TRAM1L1: variants seen among roughly 807,000 people sequenced by gnomAD.
The protein encoded by TRAM1L1 is translocating chain-associated membrane protein 1-like 1.
For missense variants in TRAM1L1, 451 were observed against 439.9 expected (o/e 1.03, Z -0.23); for synonymous variants, 189 against 163.6 (o/e 1.16, Z -1.18).
rs1732436750 is a variant in TRAM1L1, at chr4:117,085,382, A to C, written c.12T>G (p.Arg4=). MGL[R]KKSTKNPPVL... ...CGGGGGGGTTCTTGGTGCTCTTCTT[A>C]CGGAGCCCCATGGTGGCGCTTCCCG... Residue 4 remains arginine, a synonymous_variant, in exon 1 of 1, where the codon CGT becomes CGG. Coordinates refer to ENST00000310754, the MANE Select transcript of TRAM1L1 (RefSeq NM_152402.3). 8 of 1,608,792 alleles carry C rather than the reference A, an allele frequency of 5.0e-6. No individual in the cohort carries two copies. The highest frequency in any genetic ancestry group is 4.0e-5 in the African/African-American group (3 of 74,808).
Position 117,085,262 on chromosome 4 carries a change from T to C in TRAM1L1, c.132A>G (p.Ala44=). The change falls in exon 1 of 1, where the codon GCA becomes GCG. Residue 44 remains alanine (A), a synonymous_variant. Transcript: ENST00000310754. ...FLLGLVFEGT[A]EASIVFLTLQ... is the part of the protein sequence containing the mutation. ...GAGTGAGAAACACGATGGATGCTTCTGCTGTTCCCTCGAACACAAGCCCCA... is the reference window on the plus strand; with the variant it reads ...GAGTGAGAAACACGATGGATGCTTCCGCTGTTCCCTCGAACACAAGCCCCA... The C allele has an allele frequency of 6.2e-7, 1 of 1,614,142 alleles. No homozygotes were observed. Among genetic ancestry groups the C allele is most frequent in the Non-Finnish European group, 8.5e-7 (1 of 1,180,042 alleles).
rs1002324448 is a variant in TRAM1L1 at position 117,085,005 on chromosome 4, A to C, written c.389T>G (p.Phe130Cys). Residue 130 changes from phenylalanine (F) to cysteine (C), a missense_variant, in exon 1 of 1, where the codon TTT (phenylalanine) becomes TGT (cysteine). By Grantham distance (205) the Phe-to-Cys change is radical. Transcript: ENST00000310754. Reference protein sequence around the residue: ...NESGQFSVFYFFSCIWGTFIL... With the variant: ...NESGQFSVFYCFSCIWGTFIL... ...GAATGTGCCCCAAATACAAGAAAAA[A>C]AGTAGAACACACTAAACTGACCAGA... is the stretch of plus-strand genomic sequence containing the variant. 3 of 1,613,948 alleles carry C rather than the reference A, an allele frequency of 1.9e-6. No individual in the cohort carries two copies. The highest frequency in any genetic ancestry group is 2.7e-5 in the African/African-American group (2 of 74,890).
chr4:117,084,493 G>A lies in TRAM1L1; in HGVS notation c.901C>T (p.Leu301=). 1 of 1,614,134 alleles carries A rather than the reference G, an allele frequency of 6.2e-7. No homozygotes were observed. Among genetic ancestry groups the A allele is most frequent in the Non-Finnish European group, 8.5e-7 (1 of 1,180,020 alleles). ...GCTTGGATCGTGCAACTGGACGACA[G>A]AACAGCAATTTTAGCTGCCAACACA... ...VNVLAAKIAV[L]SSSCTIQAYV... is the part of the protein sequence containing the mutation. Residue 301 remains leucine, a synonymous_variant, in exon 1 of 1, where the codon CTG becomes TTG. Coordinates refer to ENST00000310754, the MANE Select transcript of TRAM1L1 (RefSeq NM_152402.3).
chr4:117,085,397 G>T lies in TRAM1L1; in HGVS notation c.-4C>A. 1 of 1,601,842 alleles carries T rather than the reference G, an allele frequency of 6.2e-7. No individual in the cohort carries two copies. The highest frequency in any genetic ancestry group is 8.5e-7 in the Non-Finnish European group (1 of 1,171,684). ...TGCTCTTCTTACGGAGCCCCATGGTGGCGCTTCCCGGATACTCACCGGCGA... is the reference window on the plus strand; with the variant it reads ...TGCTCTTCTTACGGAGCCCCATGGTTGCGCTTCCCGGATACTCACCGGCGA... On this transcript the variant is annotated 5_prime_UTR_variant, in exon 1 of 1. Transcript: ENST00000310754.
rs1732440025 is a variant in TRAM1L1, at chr4:117,085,459, C to T, written c.-66G>A. ...CTCCCCCTGGCTGCTCCTCACAGCG[C>T]CGCCGCCACGGTAGCAGCTCCGGGG... On this transcript the variant is annotated 5_prime_UTR_variant, in exon 1 of 1. Transcript: ENST00000310754. 6.5e-7 allele frequency: 1 copy of T among 1,546,502 alleles called. No homozygotes were observed.
Position 117,085,488 on chromosome 4 carries a change from C to T in TRAM1L1, c.-95G>A, listed in dbSNP as rs1732441314. ...CGCCACGGTAGCAGCTCCGGGGGCT[C>T]CACTTCCCATCCCGAAGTCAGTCCC... On this transcript the variant is annotated 5_prime_UTR_variant, in exon 1 of 1. Transcript: ENST00000310754. 1.3e-5 allele frequency: 20 copies of T among 1,492,056 alleles called. 1 individual carries two copies. The highest frequency in any genetic ancestry group is 4.5e-5 in the Admixed American group (2 of 44,930). 92.4% of individuals were successfully genotyped at this position (1,492,056 alleles called of 1,614,324 possible).
Position 117,085,174 on chromosome 4 carries a change from AAT to A in TRAM1L1, c.218_219del (p.Tyr73LeufsTer31). ...EEQATGSKSL[Y>X]YYGVKDLATV... ...GTGGCCAAATCTTTGACACCATAAT[AAT>A]AGAGGGACTTTGAGCCCGTGGCTTG... On this transcript the variant is annotated frameshift_variant, in exon 1 of 1. Transcript: ENST00000310754. LOFTEE classifies it low-confidence loss of function (END_TRUNC). 2 of 1,614,070 alleles carry A rather than the reference AAT, an allele frequency of 1.2e-6. No individual in the cohort carries two copies. Among genetic ancestry groups the A allele is most frequent in the Non-Finnish European group, 1.7e-6 (2 of 1,180,006 alleles).
rs1479718337 is a variant in TRAM1L1, at chr4:117,083,795, G to C, written c.*489C>G. 2 of 152,862 alleles carry C rather than the reference G, an allele frequency of 1.3e-5. No homozygotes were observed. The highest frequency in any genetic ancestry group is 2.4e-5 in the African/African-American group (1 of 41,388). 9.5% of individuals were successfully genotyped at this position (152,862 alleles called of 1,614,324 possible). On this transcript the variant is annotated 3_prime_UTR_variant, in exon 1 of 1. Coordinates refer to ENST00000310754, the MANE Select transcript of TRAM1L1 (RefSeq NM_152402.3). ...TGAGTCTAGCAATCTTTTCTGAGTT[G>C]TAAGTTCTTAAAAAATAAATTCTAA...
At position 117,083,869 on chromosome 4, in the gene TRAM1L1, T is replaced by C. The variant is rs1732394600; in HGVS notation, c.*415A>G. On this transcript the variant is annotated 3_prime_UTR_variant, in exon 1 of 1. Coordinates refer to ENST00000310754, the MANE Select transcript of TRAM1L1 (RefSeq NM_152402.3). ...TTCCACCTTTTTCGTACTTTTATTT[T>C]ACCCCAAAGCAAGCATTAAACACAT... 6.4e-6 allele frequency: 1 copy of C among 156,582 alleles called. No homozygotes were observed. Among genetic ancestry groups the C allele is most frequent in the Non-Finnish European group, 1.4e-5 (1 of 70,992 alleles). 9.7% of individuals were successfully genotyped at this position (156,582 alleles called of 1,614,324 possible).
At position 117,084,805 on chromosome 4, in the gene TRAM1L1, G is replaced by A; in HGVS notation, c.589C>T (p.Leu197Phe). 1 of 1,614,204 alleles carries A rather than the reference G, an allele frequency of 6.2e-7. No individual in the cohort carries two copies. The highest frequency in any genetic ancestry group is 8.5e-7 in the Non-Finnish European group (1 of 1,180,036). ...KTKKQDIPRQ[L>F]VYIGLHLFHI... ...AAGAGGTGAAGACCAATGTAGACAA[G>A]TTGACGAGGGATGTCTTGTTTTTTG... Residue 197 changes from leucine to phenylalanine, a missense_variant, in exon 1 of 1, where the codon CTT (leucine) becomes TTT (phenylalanine). Leu to Phe is a conservative substitution (Grantham distance 22). Transcript: ENST00000310754.
rs200475142 is a variant in TRAM1L1 at position 117,084,868 on chromosome 4, A to G, written c.526T>C (p.Trp176Arg). 6.2e-7 allele frequency: 1 copy of G among 1,614,198 alleles called. No individual in the cohort carries two copies. The highest frequency in any genetic ancestry group is 2.2e-5 in the East Asian group (1 of 44,868). ...KFFYISQLAY[W>R]FHAFPELYFQ... ...TAGAGTTCAGGAAAAGCATGAAACC[A>G]GTAAGCCAACTGGGATATGTAGAAA... The change falls in exon 1 of 1, where the codon TGG becomes CGG. Residue 176 changes from tryptophan to arginine, a missense_variant. Physicochemically the swap from Trp to Arg is moderately radical, Grantham distance 101. Coordinates refer to ENST00000310754, the MANE Select transcript of TRAM1L1 (RefSeq NM_152402.3).
rs976913582 is a variant in TRAM1L1 at position 117,085,547 on chromosome 4, C to A, written c.-154G>T. On this transcript the variant is annotated 5_prime_UTR_variant, in exon 1 of 1. Coordinates refer to ENST00000310754, the MANE Select transcript of TRAM1L1 (RefSeq NM_152402.3). ...GCGGCCGCCCAGAAAAAAAATAAATCAAAGGCGAGGGCCGAGCTGAGCTGA... is the reference window on the plus strand; with the variant it reads ...GCGGCCGCCCAGAAAAAAAATAAATAAAAGGCGAGGGCCGAGCTGAGCTGA... 3.4e-5 allele frequency: 37 copies of A among 1,073,768 alleles called. No homozygotes were observed. The highest frequency in any genetic ancestry group is 4.5e-5 in the Non-Finnish European group (34 of 757,348). 66.5% of individuals were successfully genotyped at this position (1,073,768 alleles called of 1,614,324 possible). A position where few individuals can be genotyped will look rare whatever the true frequency, so the allele number is the denominator to read the frequency against.
Position 117,085,010 on chromosome 4 carries a change from G to C in TRAM1L1, c.384C>G (p.Phe128Leu). 1 of 1,613,982 alleles carries C rather than the reference G, an allele frequency of 6.2e-7. No individual in the cohort carries two copies. The highest frequency in any genetic ancestry group is 8.5e-7 in the Non-Finnish European group (1 of 1,180,012). ...TGCCCCAAATACAAGAAAAAAAGTA[G>C]AACACACTAAACTGACCAGACTCGT... ...KFNESGQFSV[F>L]YFFSCIWGTF... Residue 128 changes from phenylalanine to leucine, a missense_variant, in exon 1 of 1, where the codon TTC (phenylalanine) becomes TTG (leucine). Physicochemically the swap from Phe to Leu is conservative, Grantham distance 22. Coordinates refer to ENST00000310754, the MANE Select transcript of TRAM1L1 (RefSeq NM_152402.3).
rs1732403865 is a variant in TRAM1L1 at position 117,084,162 on chromosome 4, A to G, written c.*122T>C. The G allele has an allele frequency of 2.0e-6, 2 of 984,576 alleles. No homozygotes were observed. The highest frequency in any genetic ancestry group is 3.7e-5 in the South Asian group (2 of 53,482). The allele number at this position is 984,576 out of a possible 1,614,324, so 61.0% of individuals were successfully genotyped here. On this transcript the variant is annotated 3_prime_UTR_variant, in exon 1 of 1. Transcript: ENST00000310754. ...CAAATGTCTTTAAAAAATACATGAA[A>G]CAGTTCAATAACAAAAACCGAAGAG...
Position 117,084,611 on chromosome 4 carries a change from T to C in TRAM1L1, c.783A>G (p.Arg261=). The C allele has an allele frequency of 6.2e-7, 1 of 1,614,096 alleles. No homozygotes were observed. The highest frequency in any genetic ancestry group is 8.5e-7 in the Non-Finnish European group (1 of 1,180,014). The change falls in exon 1 of 1, where the codon AGA becomes AGG. Residue 261 remains arginine, a synonymous_variant. Transcript: ENST00000310754. ...GTACGGAAACAATTAAAGTCACAAG[T>C]CTACCCAAGATAAACACAATGGCCC... is the stretch of plus-strand genomic sequence containing the variant. ...SLWAIVFILG[R]LVTLIVSVLT...
Position 117,083,804 on chromosome 4 carries a change from TA to T in TRAM1L1, c.*479del, listed in dbSNP as rs1340998573. 2.0e-5 allele frequency: 3 copies of T among 153,048 alleles called. No individual in the cohort carries two copies. The highest frequency in any genetic ancestry group is 2.9e-5 in the Non-Finnish European group (2 of 68,414). The allele number at this position is 153,048 out of a possible 1,614,324, so 9.5% of individuals were successfully genotyped here. ...CAATCTTTTCTGAGTTGTAAGTTCT[TA>T]AAAAATAAATTCTAACAATTACAGA... On this transcript the variant is annotated 3_prime_UTR_variant, in exon 1 of 1. Coordinates refer to ENST00000310754, the MANE Select transcript of TRAM1L1 (RefSeq NM_152402.3).
chr4:117,084,944 A>T lies in TRAM1L1; in HGVS notation c.450T>A (p.Thr150=). The change falls in exon 1 of 1, where the codon ACT becomes ACA. Residue 150 remains threonine, a synonymous_variant. Transcript: ENST00000310754. Reference sequence around the variant, plus strand: ...TATGGGGACGAGCCTTCCATATAAGAGTTGGGTCTGACAGGCAGTTTTCAG... The same window carrying T: ...TATGGGGACGAGCCTTCCATATAAGTGTTGGGTCTGACAGGCAGTTTTCAG... ...LISENCLSDP[T]LIWKARPHSM... The T allele has an allele frequency of 6.2e-7, 1 of 1,614,194 alleles. No individual in the cohort carries two copies. The highest frequency in any genetic ancestry group is 8.5e-7 in the Non-Finnish European group (1 of 1,180,044).
Position 117,085,316 on chromosome 4 carries a change from G to C in TRAM1L1, c.78C>G (p.Ile26Met). ...QEFILQNHADIVSCVGMFFLL... is the reference protein window; with the variant it reads ...QEFILQNHADMVSCVGMFFLL... Reference sequence around the variant, plus strand: ...GGAAGAACATCCCCACGCAGGAGACGATGTCCGCATGATTCTGCAGGATGA... The same window carrying C: ...GGAAGAACATCCCCACGCAGGAGACCATGTCCGCATGATTCTGCAGGATGA... Residue 26 changes from isoleucine to methionine, a missense_variant, in exon 1 of 1, where the codon ATC becomes ATG. Transcript: ENST00000310754. 6.2e-7 allele frequency: 1 copy of C among 1,614,106 alleles called. No individual in the cohort carries two copies. Among genetic ancestry groups the C allele is most frequent in the East Asian group, 2.2e-5 (1 of 44,830 alleles).
rs765989544 is a variant in TRAM1L1, at chr4:117,085,542, T to A, written c.-149A>T. Reference sequence around the variant, plus strand: ...TCGCAGCGGCCGCCCAGAAAAAAAATAAATCAAAGGCGAGGGCCGAGCTGA... The same window carrying A: ...TCGCAGCGGCCGCCCAGAAAAAAAAAAAATCAAAGGCGAGGGCCGAGCTGA... On this transcript the variant is annotated 5_prime_UTR_variant, in exon 1 of 1. Transcript: ENST00000310754. 71 of 1,109,478 alleles carry A rather than the reference T, an allele frequency of 6.4e-5. No individual in the cohort carries two copies. The highest frequency in any genetic ancestry group is 8.6e-5 in the Non-Finnish European group (68 of 789,776). 68.7% of individuals were successfully genotyped at this position (1,109,478 alleles called of 1,614,324 possible).
Sources: allele counts gnomAD v4.1 joint callset, GRCh38; gene constraint gnomAD v4.1.1; transcripts MANE v1.5; gene names NCBI Gene and HGNC (gene_info 2026-07-23, HGNC 2026-07-21).